SLC2A9: variants seen among roughly 807,000 people sequenced by gnomAD.
The protein encoded by SLC2A9 is solute carrier family 2 member 9.
Under a neutral mutation model 50.6 loss-of-function variants are expected in SLC2A9, and 39 were observed. That is an observed-to-expected ratio of 0.77 (90% CI 0.60 to 1.01). The LOEUF (loss-of-function observed/expected upper bound fraction) is 1.01, where lower values mean the gene tolerates loss of function less well. SLC2A9 is among the 50% of genes least tolerant of loss of function. SLC2A9 has a pLI of 0.00. For missense variants in SLC2A9, 686 were observed against 677.6 expected, an observed-to-expected ratio of 1.01 and a Z score of -0.14; for synonymous variants, 324 against 276.9, an observed-to-expected ratio of 1.17 and a Z score of -1.69.
chr4:9,818,890 G>A (rs1055514172), intron 3 of SLC2A9, among the ~76,000 whole-genome samples: 7 of 151,756 alleles, frequency 4.6e-5, no homozygotes, highest in Non-Finnish European at 8.8e-5. Flanking sequence ...TGGGAGGCTG[G>A]GGCGGGTGGA....
intron 2 of SLC2A9, among the ~76,000 whole-genome samples, chr4:10,018,546 T>TGATAGATAGATAGATGATAGACA (rs57476588): frequency 6.9e-6 from 1 of 145,332 alleles, no homozygotes. Flanking sequence ...ATCTCAAAGA[T>TGATAGATAGATAGATGATAGACA]GATAGATAGA....
intron 3 of SLC2A9, among the ~76,000 whole-genome samples, chr4:9,803,868 G>A (rs1288976498): frequency 2.0e-5 from 3 of 152,064 alleles, no homozygotes; most frequent in African/African-American, 7.3e-5. Context: ...TATGTGCTAG[G>A]GGATATGTTA....
rs778169797 is a variant in SLC2A9, at chr4:9,783,140, C to T, written n.386-3075G>A. The T allele has an allele frequency of 1.9e-6, 3 of 1,614,124 alleles. No homozygotes were observed. The South Asian group carries it at 3.3e-5, about 18-fold the overall frequency. Reference sequence around the variant, plus strand: ...CGCCGACTTTCAGAAGGTGTTTGCCCAGCTGCTGGGGTGCAGCCACTTCTG... The same window carrying T: ...CGCCGACTTTCAGAAGGTGTTTGCCTAGCTGCTGGGGTGCAGCCACTTCTG... On this transcript the variant is annotated intron_variant and non_coding_transcript_variant, in intron 3 of 3. Transcript: ENST00000503803.
intron 5 of SLC2A9, among the ~76,000 whole-genome samples, chr4:9,954,990 G>A (rs1259193296): frequency 6.6e-6 from 1 of 152,152 alleles, no homozygotes; most frequent in Non-Finnish European, 1.5e-5. Context: ...GAGGCAAAAT[G>A]GCAGAGTTTA....
chr4:10,027,558 T>C (rs373193685), intron 1 of SLC2A9, among the ~76,000 whole-genome samples: 3 of 152,146 alleles, frequency 2.0e-5, no homozygotes, highest in African/African-American at 7.2e-5. Context: ...CCTCCCGGCA[T>C]CTTCAGTGAG....
At chr4:10,005,387 C>T (rs900939519) in intron 2 of SLC2A9, among the ~76,000 whole-genome samples, 16 of 152,304 alleles carry the variant, frequency 1.1e-4, no homozygotes, top group Admixed American at 9.2e-4. Flanking sequence ...CTGCCTGTAC[C>T]TGGCTTTGCC....
rs143727065 is a variant in SLC2A9 at position 9,899,932 on chromosome 4, G to A, written c.1113+8303C>T. 5.9e-3 allele frequency among the ~76,000 whole-genome samples: 893 copies of A among 152,306 alleles called. 5 individuals carry two copies. The highest frequency in any genetic ancestry group is 0.014 in the East Asian group (70 of 5,176). On this transcript the variant is annotated intron_variant, in intron 8 of 11. Coordinates refer to ENST00000264784, the MANE Select transcript of SLC2A9 (RefSeq NM_020041.3). ...CACTTTACAAGCTTGGCTTGAGGCC[G>A]TAGCTTCTGCAGTTTCTAAGTGAAG...
intron 5 of SLC2A9, among the ~76,000 whole-genome samples, chr4:9,951,291 T>G (rs1750210852): frequency 6.7e-6 from 1 of 149,574 alleles, no homozygotes; most frequent in South Asian, 2.1e-4. Flanking sequence ...GCTAAAAAAT[T>G]TGATCATATG....
chr4:10,032,227 A>G (rs961692027), intron 1 of SLC2A9, among the ~76,000 whole-genome samples: 1 of 152,170 alleles, frequency 6.6e-6, no homozygotes. Context: ...GAGAGAGGCA[A>G]TATCAGGAAA....
chr4:9,837,319 T>C (rs1027879742), intron 10 of SLC2A9, among the ~76,000 whole-genome samples: 1 of 152,272 alleles, frequency 6.6e-6, no homozygotes, highest in African/African-American at 2.4e-5. Context: ...TGAAATGTAA[T>C]GAAACCAGCC....
At chr4:9,918,990 T>C (rs1185474437) in intron 7 of SLC2A9, among the ~76,000 whole-genome samples, 1 of 152,086 alleles carries the variant, frequency 6.6e-6, no homozygotes, top group Admixed American at 6.6e-5. Flanking sequence ...TTTATGAAGT[T>C]ATACGGGGGA....
chr4:10,013,863 C>T (rs879780388), intron 2 of SLC2A9, among the ~76,000 whole-genome samples: 2 of 152,108 alleles, frequency 1.3e-5, no homozygotes, highest in Admixed American at 6.5e-5. Flanking sequence ...CTGGCTGGGC[C>T]GAGGACTTAC....
At chr4:10,000,962 G>T (rs1365792831) in intron 2 of SLC2A9, among the ~76,000 whole-genome samples, 1 of 152,168 alleles carries the variant, frequency 6.6e-6, no homozygotes, top group African/African-American at 2.4e-5. Context: ...GGGTTGAATT[G>T]TATCTAACCT....
In SLC2A9 at chr4:9,791,130, G is replaced by C. The variant is rs183665338; in HGVS notation, n.386-11065C>G. Among the ~76,000 whole-genome samples, 424 of 151,784 alleles carry C rather than the reference G, an allele frequency of 2.8e-3. 1 individual carries two copies. Among genetic ancestry groups the C allele is most frequent in the African/African-American group, 0.01 (412 of 41,070 alleles). On this transcript the variant is annotated intron_variant and non_coding_transcript_variant, in intron 3 of 3. Transcript: ENST00000503803. The stretch of plus-strand genomic sequence containing the variant: ...GAGAAAAAATAATTCAGTGGGCCAA[G>C]CTGTATGTAATATTTTGCCTCTGAT...
rs192936050 is a variant in SLC2A9 at position 9,970,796 on chromosome 4, C to A, written c.681+9796G>T. Among the ~76,000 whole-genome samples the A allele has an allele frequency of 4.6e-3, 697 of 152,262 alleles. 9 individuals carry two copies. The highest frequency in any genetic ancestry group is 0.016 in the African/African-American group (665 of 41,548). On this transcript the variant is annotated intron_variant, in intron 5 of 11. Transcript: ENST00000264784. The stretch of plus-strand genomic sequence containing the variant: ...GTGAAACCAAAGGCAGGCAGCCCAG[C>A]GCCAGGCGCCAGACCCAAAACCGGA...
At chr4:9,882,786 T>C (rs1735465939) in intron 10 of SLC2A9, among the ~76,000 whole-genome samples, 1 of 151,594 alleles carries the variant, frequency 6.6e-6, no homozygotes, top group African/African-American at 2.4e-5. Context: ...TTCTATCCTC[T>C]AGGACAGACA....
At chr4:10,020,220 G>A (rs1763344840) in intron 1 of SLC2A9, among the ~76,000 whole-genome samples, 1 of 152,052 alleles carries the variant, frequency 6.6e-6, no homozygotes, top group Non-Finnish European at 1.5e-5. Flanking sequence ...TGCCAGTCTC[G>A]TTTGTCTCCT....
Position 9,892,097 on chromosome 4 carries a change from G to A in SLC2A9, c.1114-1386C>T, listed in dbSNP as rs141099164. Among the ~76,000 whole-genome samples, 8 of 152,360 alleles carry A rather than the reference G, an allele frequency of 5.3e-5. No homozygotes were observed. The East Asian group carries it at 7.7e-4, about 15-fold the overall frequency. Reference sequence around the variant, plus strand: ...CTTAGAGGGAGGCAGGTGAGAAGCCGTCTAGGCAATGGGCGTTCTCCCCCA... The same window carrying A: ...CTTAGAGGGAGGCAGGTGAGAAGCCATCTAGGCAATGGGCGTTCTCCCCCA... On this transcript the variant is annotated intron_variant, in intron 8 of 11. Transcript: ENST00000264784.
At position 9,920,549 on chromosome 4, in the gene SLC2A9, CT is replaced by C. The variant is rs769486187; in HGVS notation, c.837del (p.Ala280GlnfsTer7). Reference protein sequence around the residue: ...AVKAFQTFLGKADVSQEVEEV... With the variant: ...AVKAFQTFLGXADVSQEVEEV... ...TCCTCTACCTCTTGGGAAACGTCTG[CT>C]TTACCCAAGAACGTTTGGAAGGCTG... On this transcript the variant is annotated frameshift_variant, in exon 7 of 12. Coordinates refer to ENST00000264784, the MANE Select transcript of SLC2A9 (RefSeq NM_020041.3). LOFTEE classifies it high-confidence loss of function. 1 of 1,614,160 alleles carries C rather than the reference CT, an allele frequency of 6.2e-7. No homozygotes were observed. Among genetic ancestry groups the C allele is most frequent in the East Asian group, 2.2e-5 (1 of 44,874 alleles).
Sources: allele counts gnomAD v4.1 joint callset (sites outside exome capture counted in the v4.1 genomes callset), GRCh38; gene constraint gnomAD v4.1.1; transcripts MANE v1.5; gene names NCBI Gene and HGNC (gene_info 2026-07-23, HGNC 2026-07-21).